Variants in DNAH12 observed in about 807,000 individuals in gnomAD.
The protein encoded by DNAH12 is axonemal beta dynein heavy chain 12.
A neutral mutation model predicts 371.5 loss-of-function variants in DNAH12; 285 were observed. The observed-to-expected ratio is 0.77, with a 90% confidence interval of 0.70 to 0.85. The LOEUF (loss-of-function observed/expected upper bound fraction) is 0.85, where lower values mean the gene tolerates loss of function less well. Ranked by LOEUF, DNAH12 falls within the 40% of genes least tolerant of loss-of-function variation. The pLI is 0.00. For missense variants in DNAH12, 3,611 were observed against 3,689.4 expected (o/e 0.98, Z 0.55); for synonymous variants, 1,200 against 1,213.0 (o/e 0.99, Z 0.22).
intron 58 of DNAH12, among the ~76,000 whole-genome samples, chr3:57,358,587 CTAAAAA>C (rs2062851625): frequency 6.6e-6 from 1 of 152,016 alleles, no homozygotes; most frequent in Non-Finnish European, 1.5e-5. Flanking sequence ...CACAAATGAA[CTAAAAA>C]TAAGTTTGGA....
At chr3:57,394,355 A>AAG (rs1575539832) in intron 43 of DNAH12, 23 bp from the exon 44 acceptor site, 1 of 152,250 alleles carries the variant, frequency 6.6e-6, no homozygotes, top group African/African-American at 2.4e-5. Context: ...ATGGACTTGT[A>AAG]AGCAGAATAT....
chr3:57,339,247 C>T (rs1553655246), intron 60 of DNAH12, among the ~76,000 whole-genome samples: 1 of 152,022 alleles, frequency 6.6e-6, no homozygotes, highest in African/African-American at 2.4e-5. Context: ...TGCGGAAGGC[C>T]GCAGGGTCCT....
chr3:57,484,688 T>C (rs139782739), intron 12 of DNAH12, among the ~76,000 whole-genome samples: 1,598 of 152,024 alleles, frequency 0.011, 18 homozygotes, highest in African/African-American at 0.036. Flanking sequence ...AATAAATAAA[T>C]GGGACCTAAT....
chr3:57,497,795 T>C (rs944619990), intron 11 of DNAH12, among the ~76,000 whole-genome samples: 16 of 152,268 alleles, frequency 1.1e-4, no homozygotes, highest in African/African-American at 3.6e-4. Flanking sequence ...AATTATAATA[T>C]AAAATGTCTG....
chr3:57,422,524 T>C (rs1338001745), intron 35 of DNAH12, among the ~76,000 whole-genome samples: 1 of 152,118 alleles, frequency 6.6e-6, no homozygotes, highest in Non-Finnish European at 1.5e-5. Context: ...CCATACTGGC[T>C]GGGTACAGTG....
chr3:57,547,197 TAC>T (rs2069587308), upstream of DNAH12, among the ~76,000 whole-genome samples: 1 of 112,744 alleles, frequency 8.9e-6, no homozygotes, highest in South Asian at 3.0e-4. Context: ...TGTATAGACA[TAC>T]ACACACACAT....
intron 32 of DNAH12, 21 bp from the exon 33 acceptor site, chr3:57,429,795 A>G: frequency 6.7e-7 from 1 of 1,492,820 alleles, no homozygotes; most frequent in Non-Finnish European, 8.9e-7. Flanking sequence ...TTATTTTTCA[A>G]ATGTTTATTT....
intron 43 of DNAH12, chr3:57,402,270 G>T: frequency 4.5e-6 from 3 of 662,472 alleles, no homozygotes; most frequent in African/African-American, 2.0e-5. Context: ...AATTGTTTGT[G>T]AAAGGTCAGT....
chr3:57,360,885 G>A lies in DNAH12; in HGVS notation c.9360+2709C>T, dbSNP rs1004708885. On this transcript the variant is annotated intron_variant, in intron 58 of 73. Coordinates refer to ENST00000495027, the MANE Select transcript of DNAH12 (RefSeq NM_001366028.2). Reference sequence around the variant, plus strand: ...ACCAAAAGGCCTGAAGATCAATAACGTTAGCTTACAGAAGTCATTCTGTAA... The same window carrying A: ...ACCAAAAGGCCTGAAGATCAATAACATTAGCTTACAGAAGTCATTCTGTAA... 7.5e-3 allele frequency among the ~76,000 whole-genome samples: 1,135 copies of A among 152,186 alleles called. 7 individuals carry two copies. Among genetic ancestry groups the A allele is most frequent in the Non-Finnish European group, 0.011 (738 of 68,000 alleles).
intron 60 of DNAH12, among the ~76,000 whole-genome samples, chr3:57,343,008 G>A (rs1456026033): frequency 6.6e-6 from 1 of 151,988 alleles, no homozygotes; most frequent in Non-Finnish European, 1.5e-5. Flanking sequence ...GCAGGTGGAG[G>A]TTGCAGTGAG....
chr3:57,463,242 C>G (rs977515961), intron 17 of DNAH12, among the ~76,000 whole-genome samples: 1 of 151,398 alleles, frequency 6.6e-6, no homozygotes, highest in Admixed American at 6.6e-5. Flanking sequence ...ATACTGCACT[C>G]CGGCCTGGGT....
At chr3:57,400,019 T>A (rs1446618408) in intron 43 of DNAH12, among the ~76,000 whole-genome samples, 1 of 152,232 alleles carries the variant, frequency 6.6e-6, no homozygotes, top group African/African-American at 2.4e-5. Context: ...CTAAGCACAG[T>A]GGCTCAAGCC....
chr3:57,435,373 C>CAAAAAA (rs34515598), intron 30 of DNAH12, among the ~76,000 whole-genome samples: 3,104 of 93,616 alleles, frequency 0.033, 36 homozygotes, highest in Non-Finnish European at 0.04. Context: ...CTCTGTCTCC[C>CAAAAAA]AAAAAAAAAA....
At chr3:57,374,414 T>C (rs1230296369) in intron 55 of DNAH12, among the ~76,000 whole-genome samples, 1 of 152,156 alleles carries the variant, frequency 6.6e-6, no homozygotes, top group African/African-American at 2.4e-5. Flanking sequence ...ATAACCATTA[T>C]AGAAAACTAT....
intron 38 of DNAH12, among the ~76,000 whole-genome samples, chr3:57,414,298 C>T (rs1017224061): frequency 5.3e-5 from 8 of 152,180 alleles, no homozygotes; most frequent in Non-Finnish European, 1.2e-4. Flanking sequence ...CATGTTTCTA[C>T]AACATTTCTA....
chr3:57,387,588 C>A (rs1483622024), intron 45 of DNAH12, among the ~76,000 whole-genome samples: 1 of 152,044 alleles, frequency 6.6e-6, no homozygotes, highest in Non-Finnish European at 1.5e-5. Context: ...CCCCTTCTTC[C>A]TTAGGACTCC....
At chr3:57,348,508 AATGAT>A (rs2062597235) in intron 60 of DNAH12, among the ~76,000 whole-genome samples, 1 of 152,198 alleles carries the variant, frequency 6.6e-6, no homozygotes, top group Admixed American at 6.5e-5. Context: ...TAGGAGTGAT[AATGAT>A]ATGTCAATGC....
chr3:57,305,331 T>G (rs984086298), intron 69 of DNAH12, among the ~76,000 whole-genome samples: 15 of 151,620 alleles, frequency 9.9e-5, no homozygotes, highest in Admixed American at 9.8e-4. Flanking sequence ...CCATCTGACC[T>G]CTCCCCTCCT....
chr3:57,499,054 T>C (rs1285538298), intron 11 of DNAH12, among the ~76,000 whole-genome samples: 1 of 151,766 alleles, frequency 6.6e-6, no homozygotes, highest in East Asian at 1.9e-4. Context: ...AGGAATAAAC[T>C]ACTGACACAA....
Sources: allele counts gnomAD v4.1 joint callset (sites outside exome capture counted in the v4.1 genomes callset), GRCh38; gene constraint gnomAD v4.1.1; transcripts MANE v1.5; gene names NCBI Gene and HGNC (gene_info 2026-07-23, HGNC 2026-07-21).